The following MAP3K2 variants were observed in gnomAD, a reference collection of about 807,000 sequenced individuals.
MAP3K2 encodes the protein MAP/ERK kinase kinase 2.
MAP3K2 carries 24 observed loss-of-function variants against 80.3 expected under a neutral mutation model. The ratio of observed to expected loss-of-function variants is 0.30; its 90% CI spans 0.22 to 0.42. The LOEUF (loss-of-function observed/expected upper bound fraction) is 0.42. MAP3K2 is among the 10% of genes least tolerant of loss of function. The probability of loss-of-function intolerance (pLI) is 1.00; values close to 1 mark genes in which losing one functional copy is unlikely to be tolerated. For missense variants in MAP3K2, 608 were observed against 750.1 expected (o/e 0.81, Z 2.21); for synonymous variants, 244 against 253.7 (o/e 0.96, Z 0.36).
chr2:127,314,806 C>T lies in MAP3K2; in HGVS notation c.1404G>A (p.Leu468=), dbSNP rs765111618. The T allele has an allele frequency of 3.1e-6, 5 of 1,609,828 alleles. No homozygotes were observed. The Admixed American group carries it at 6.7e-5, about 21-fold the overall frequency. The part of the protein sequence containing the change: ...NVTRKYTRQI[L]EGVHYLHSNM... ...TACTGTGCAAATAATGGACACCCTC[C>T]AGAATCTGACGGGTGTATTTCCTAG... Residue 468 remains leucine (L), a synonymous_variant, in exon 15 of 17, where the codon CTG becomes CTA. Transcript: ENST00000682094.
upstream of MAP3K2, chr2:127,388,120 C>T (rs1415061455): frequency 1.0e-6 from 1 of 984,926 alleles, no homozygotes; most frequent in Non-Finnish European, 1.2e-6. Context: ...CGCCCACACA[C>T]AGGCCACCGC....
In MAP3K2 at chr2:127,301,940, A is replaced by G. The variant is rs1270584344; in HGVS notation, c.*5639T>C. The G allele has an allele frequency of 2.0e-5, 3 of 152,206 alleles. No individual in the cohort carries two copies. The highest frequency in any genetic ancestry group is 4.4e-5 in the Non-Finnish European group (3 of 68,050). The allele number at this position is 152,206 out of a possible 1,614,324, so 9.4% of individuals were successfully genotyped here. A position where few individuals can be genotyped will look rare whatever the true frequency, so the allele number is the denominator to read the frequency against. ...TGATACTTCCCACACCTACCATGGCATCCTGTCCAAACCATGGCAGAAGTC... is the reference window on the plus strand; with the variant it reads ...TGATACTTCCCACACCTACCATGGCGTCCTGTCCAAACCATGGCAGAAGTC... On this transcript the variant is annotated 3_prime_UTR_variant, in exon 17 of 17. Coordinates refer to ENST00000682094, the MANE Select transcript of MAP3K2 (RefSeq NM_001371910.2).
chr2:127,314,954 A>ACTGATAAAGAT, intron 14 of MAP3K2, 71 bp from the exon 15 acceptor site: 5 of 1,124,372 alleles, frequency 4.4e-6, no homozygotes, highest in Non-Finnish European at 6.4e-6. Flanking sequence ...TTAAATCTTT[A>ACTGATAAAGAT]TCAGTAAAGA....
At chr2:127,340,664 GAA>G (rs754899217) in intron 2 of MAP3K2, among the ~76,000 whole-genome samples, 12 of 127,114 alleles carry the variant, frequency 9.4e-5, no homozygotes, top group Non-Finnish European at 1.4e-4. Flanking sequence ...TTCCCAAAAG[GAA>G]AAAAAAAAAA....
chr2:127,303,026 G>T lies in MAP3K2; in HGVS notation c.*4553C>A, dbSNP rs1685627728. The T allele has an allele frequency of 6.6e-6, 1 of 151,858 alleles. No homozygotes were observed. The allele number at this position is 151,858 out of a possible 1,614,324, so 9.4% of individuals were successfully genotyped here. A position where few individuals can be genotyped will look rare whatever the true frequency, so the allele number is the denominator to read the frequency against. Reference sequence around the variant, plus strand: ...TTTGGAAAAAATCTTCATTTTGGTGGGTAACTTGAATTATTAATATAAAAT... The same window carrying T: ...TTTGGAAAAAATCTTCATTTTGGTGTGTAACTTGAATTATTAATATAAAAT... On this transcript the variant is annotated 3_prime_UTR_variant, in exon 17 of 17. Transcript: ENST00000682094.
At chr2:127,359,319 T>C (rs771547541) in intron 1 of MAP3K2, among the ~76,000 whole-genome samples, 2 of 152,142 alleles carry the variant, frequency 1.3e-5, no homozygotes, top group Non-Finnish European at 2.9e-5. Context: ...AGAATATATA[T>C]GGGAACTCCC....
At chr2:127,309,062 G>A (rs1685760552) in intron 15 of MAP3K2, among the ~76,000 whole-genome samples, 1 of 152,098 alleles carries the variant, frequency 6.6e-6, no homozygotes, top group Admixed American at 6.6e-5. Flanking sequence ...AGGGGAAAAG[G>A]GCTAAGAATG....
chr2:127,327,635 C>T (rs894159470), intron 7 of MAP3K2, among the ~76,000 whole-genome samples: 52 of 151,696 alleles, frequency 3.4e-4, no homozygotes, highest in African/African-American at 1.3e-3. Flanking sequence ...AATGCGTATG[C>T]CAACGCACTC....
chr2:127,388,207 G>T (rs528961900), upstream of MAP3K2: 59 of 983,534 alleles, frequency 6.0e-5, 1 homozygote, highest in African/African-American at 8.9e-4. Flanking sequence ...CCCCTGCCCC[G>T]GGGCAGCCTG....
chr2:127,306,870 G>GTT lies in MAP3K2; in HGVS notation c.*708_*709insAA, dbSNP rs1685711065. On this transcript the variant is annotated 3_prime_UTR_variant, in exon 17 of 17. Coordinates refer to ENST00000682094, the MANE Select transcript of MAP3K2 (RefSeq NM_001371910.2). The surrounding 1 kb of genome is among the most constrained non-coding windows in gnomAD (Gnocchi z 4.7). ...TCCGTGTGTGTGTGTGTGTGTGTGT[G>GTT]TGTGTTTTTAAGCAGAAAGCTATCC... 1 of 147,690 alleles carries GTT rather than the reference G, an allele frequency of 6.8e-6. No homozygotes were observed. Among genetic ancestry groups the GTT allele is most frequent in the African/African-American group, 2.6e-5 (1 of 39,076 alleles). 9.1% of individuals were successfully genotyped at this position (147,690 alleles called of 1,614,324 possible). A position where few individuals can be genotyped will look rare whatever the true frequency, so the allele number is the denominator to read the frequency against.
intron 1 of MAP3K2, among the ~76,000 whole-genome samples, chr2:127,370,728 C>G (rs1047967311): frequency 1.3e-5 from 2 of 152,166 alleles, no homozygotes; most frequent in African/African-American, 4.8e-5. Flanking sequence ...ACAAGGACAA[C>G]AGGTCCCAGT....
chr2:127,341,902 T>C (rs1039177414), intron 2 of MAP3K2, among the ~76,000 whole-genome samples: 11 of 152,166 alleles, frequency 7.2e-5, no homozygotes, highest in Non-Finnish European at 1.5e-4. Context: ...TGGAAAATAA[T>C]TTTTTCAAAA....
At chr2:127,362,154 A>T (rs972154360) in intron 1 of MAP3K2, among the ~76,000 whole-genome samples, 10 of 152,240 alleles carry the variant, frequency 6.6e-5, no homozygotes, top group African/African-American at 2.2e-4. Flanking sequence ...AAAAATAAAG[A>T]CAGCAAGAAG....
intron 2 of MAP3K2, among the ~76,000 whole-genome samples, chr2:127,342,057 A>T (rs1686503734): frequency 6.6e-6 from 1 of 152,118 alleles, no homozygotes; most frequent in Non-Finnish European, 1.5e-5. Flanking sequence ...TTAAGCAATG[A>T]ATGTTGCCCT....
intron 1 of MAP3K2, among the ~76,000 whole-genome samples, chr2:127,369,186 G>A (rs1687020648): frequency 6.6e-6 from 1 of 150,894 alleles, no homozygotes; most frequent in Non-Finnish European, 1.5e-5. Flanking sequence ...TCCAGACCTT[G>A]TGATCTGCCC....
At position 127,322,184 on chromosome 2, in the gene MAP3K2, G is replaced by A. The variant is rs1300746379; in HGVS notation, c.907C>T (p.Pro303Ser). The A allele has an allele frequency of 1.2e-6, 2 of 1,613,892 alleles. No homozygotes were observed. The highest frequency in any genetic ancestry group is 8.5e-7 in the Non-Finnish European group (1 of 1,179,826). ...CTAGTGCTTAAGGAATGATCAGTAGGACTGAAACTCACAGGAGACCGTAAG... is the reference window on the plus strand; with the variant it reads ...CTAGTGCTTAAGGAATGATCAGTAGAACTGAAACTCACAGGAGACCGTAAG... ...TSLRSPVSFS[P>S]TDHSLSTSSG... is the part of the protein sequence containing the mutation. Residue 303 changes from proline to serine, a missense_variant, in exon 12 of 17, where the codon CCT becomes TCT. Pro to Ser is a moderately conservative substitution (Grantham distance 74). Transcript: ENST00000682094. The surrounding 1 kb of genome is among the most constrained non-coding windows in gnomAD (Gnocchi z 4.2).
intron 5 of MAP3K2, among the ~76,000 whole-genome samples, chr2:127,332,989 G>A (rs527643222): frequency 6.6e-6 from 1 of 151,992 alleles, no homozygotes; most frequent in South Asian, 2.1e-4. Flanking sequence ...AATTAACAAG[G>A]TATGGTAGTG....
At chr2:127,355,405 A>G (rs1686780323) in intron 1 of MAP3K2, among the ~76,000 whole-genome samples, 1 of 152,204 alleles carries the variant, frequency 6.6e-6, no homozygotes, top group East Asian at 1.9e-4. Context: ...GATGATGGCA[A>G]TAAGGCAAAC....
intron 5 of MAP3K2, among the ~76,000 whole-genome samples, chr2:127,334,914 G>A (rs1272136021): frequency 6.6e-6 from 1 of 152,054 alleles, no homozygotes; most frequent in African/African-American, 2.4e-5. Context: ...GGAACTACAG[G>A]TGCACGTCAC....
Sources: gnomAD v4.1 joint callset for allele counts (sites outside exome capture counted in the v4.1 genomes callset) on GRCh38, gnomAD v4.1.1 for gene constraint, Gnocchi (gnomAD v3.1) non-coding constraint, MANE v1.5 for transcripts, NCBI Gene and HGNC (gene_info 2026-07-23, HGNC 2026-07-21) for gene names.